MAGI1: variants seen among roughly 807,000 people sequenced by gnomAD.
The protein encoded by MAGI1 is membrane-associated guanylate kinase, WW and PDZ domain-containing protein 1.
MAGI1 carries 58 observed loss-of-function variants against 139.9 expected under a neutral mutation model. That is an observed-to-expected ratio of 0.41 (90% confidence interval 0.34 to 0.52). The LOEUF is 0.52. Ranked by LOEUF, MAGI1 falls within the 20% of genes least tolerant of loss-of-function variation. The probability of loss-of-function intolerance (pLI) is 0.12; values close to 1 mark genes in which losing one functional copy is unlikely to be tolerated. For synonymous variants in MAGI1, 812 were observed against 737.9 expected (o/e 1.10, Z -1.63); for missense variants, 1,874 against 1,901.6 (o/e 0.99, Z 0.27).
At chr3:65,867,305 C>A (rs1003434900) in intron 1 of MAGI1, among the ~76,000 whole-genome samples, 2 of 152,196 alleles carry the variant, frequency 1.3e-5, no homozygotes, top group African/African-American at 2.4e-5. Context: ...ATGCTATCGT[C>A]ATTTGTCCAA....
chr3:65,849,227 G>A (rs2059119890), intron 1 of MAGI1, among the ~76,000 whole-genome samples: 1 of 150,972 alleles, frequency 6.6e-6, no homozygotes, highest in South Asian at 2.1e-4. Flanking sequence ...GTTTCGCCAT[G>A]TTGGCCAGGC....
intron 1 of MAGI1, among the ~76,000 whole-genome samples, chr3:65,636,197 A>G (rs2084605542): frequency 6.6e-6 from 1 of 152,216 alleles, no homozygotes; most frequent in Non-Finnish European, 1.5e-5. Flanking sequence ...TTCTAGACTT[A>G]TTTCATATGT....
At chr3:65,772,304 C>T (rs1295014513) in intron 1 of MAGI1, among the ~76,000 whole-genome samples, 1 of 152,188 alleles carries the variant, frequency 6.6e-6, no homozygotes, top group Middle Eastern at 3.2e-3. Flanking sequence ...CTTTATGAAC[C>T]TGTGTCTCCC....
intron 1 of MAGI1, among the ~76,000 whole-genome samples, chr3:65,975,628 T>A (rs2065230234): frequency 1.3e-5 from 2 of 150,982 alleles, no homozygotes; most frequent in South Asian, 4.2e-4. Flanking sequence ...CATAACCCAA[T>A]CTCAAAATAA....
At chr3:65,922,047 G>C (rs2108741611) in intron 1 of MAGI1, among the ~76,000 whole-genome samples, 1 of 152,234 alleles carries the variant, frequency 6.6e-6, no homozygotes, top group Admixed American at 6.5e-5. Context: ...TACCTGCCAT[G>C]TGCTAGCTCT....
chr3:65,744,328 G>A (rs1003738221), intron 1 of MAGI1, among the ~76,000 whole-genome samples: 1 of 152,174 alleles, frequency 6.6e-6, no homozygotes, highest in East Asian at 1.9e-4. Flanking sequence ...TAGGTTAGAC[G>A]ATGTGACTCC....
chr3:65,870,537 G>C (rs560777619), intron 1 of MAGI1, among the ~76,000 whole-genome samples: 9 of 151,478 alleles, frequency 5.9e-5, no homozygotes, highest in Admixed American at 6.6e-5. Flanking sequence ...AGGGGAAGAA[G>C]ACAGGGAGGC....
chr3:65,681,804 C>A, intron 1 of MAGI1, among the ~76,000 whole-genome samples: 1 of 152,118 alleles, frequency 6.6e-6, no homozygotes, highest in East Asian at 1.9e-4. Context: ...TAGATGATAC[C>A]AAAGCAGAAC....
chr3:65,855,546 G>A (rs977627848), intron 1 of MAGI1, among the ~76,000 whole-genome samples: 52 of 126,624 alleles, frequency 4.1e-4, no homozygotes, highest in African/African-American at 1.6e-3. Flanking sequence ...AGGCTGCAGT[G>A]AGCAATGATG....
chr3:65,552,094 G>C (rs923757548), intron 2 of MAGI1, among the ~76,000 whole-genome samples: 1 of 152,190 alleles, frequency 6.6e-6, no homozygotes, highest in Non-Finnish European at 1.5e-5. Context: ...TTGGAATGGA[G>C]TGTCTGTAGT....
intron 1 of MAGI1, among the ~76,000 whole-genome samples, chr3:65,768,114 G>C (rs1261713757): frequency 3.3e-5 from 5 of 152,124 alleles, no homozygotes; most frequent in Non-Finnish European, 5.9e-5. Context: ...CTTTACACAA[G>C]TTGCTTAAAA....
chr3:65,480,482 C>G (rs1446771752), intron 3 of MAGI1, among the ~76,000 whole-genome samples: 1 of 150,200 alleles, frequency 6.7e-6, no homozygotes, highest in Non-Finnish European at 1.5e-5. Context: ...ATACAGTAAG[C>G]AGAGATCGTG....
chr3:65,966,544 G>A (rs1366386584), intron 1 of MAGI1, among the ~76,000 whole-genome samples: 1 of 151,406 alleles, frequency 6.6e-6, no homozygotes, highest in East Asian at 2.0e-4. Context: ...CTTGAGCCTA[G>A]AAGTTCGAGG....
chr3:65,661,360 G>A (rs2086179341), intron 1 of MAGI1, among the ~76,000 whole-genome samples: 1 of 152,172 alleles, frequency 6.6e-6, no homozygotes, highest in African/African-American at 2.4e-5. Flanking sequence ...AAACACACAA[G>A]TCATTTTCAT....
chr3:65,689,201 T>G (rs1320120176), intron 1 of MAGI1, among the ~76,000 whole-genome samples: 1 of 152,220 alleles, frequency 6.6e-6, no homozygotes, highest in African/African-American at 2.4e-5. Flanking sequence ...TCTTTTTACT[T>G]GATAAAGCAT....
chr3:65,884,375 C>A (rs1248815678), intron 1 of MAGI1, among the ~76,000 whole-genome samples: 1 of 152,046 alleles, frequency 6.6e-6, no homozygotes, highest in African/African-American at 2.4e-5. Context: ...GGTGGAAGAA[C>A]GAAGGGAGAA....
At chr3:65,454,354 G>A (rs1559567450) in intron 5 of MAGI1, among the ~76,000 whole-genome samples, 1 of 150,664 alleles carries the variant, frequency 6.6e-6, no homozygotes, top group Non-Finnish European at 1.5e-5. Context: ...ACACAGGAAG[G>A]GGAACATCAC....
At chr3:65,729,014 A>G (rs1005371266) in intron 1 of MAGI1, among the ~76,000 whole-genome samples, 5 of 151,718 alleles carry the variant, frequency 3.3e-5, no homozygotes, top group Non-Finnish European at 5.9e-5. Context: ...ATCTGATTAA[A>G]TCAAGTTTTG....
intron 1 of MAGI1, among the ~76,000 whole-genome samples, chr3:65,759,944 T>C (rs1214301625): frequency 6.6e-6 from 1 of 152,208 alleles, no homozygotes; most frequent in Admixed American, 6.5e-5. Flanking sequence ...CCCTGACTAT[T>C]AGAAAGCTAC....
Sources: allele counts gnomAD v4.1 joint callset (sites outside exome capture counted in the v4.1 genomes callset), GRCh38; gene constraint gnomAD v4.1.1; transcripts MANE v1.5; gene names NCBI Gene and HGNC (gene_info 2026-07-23, HGNC 2026-07-21).